Variants in AFF4 observed in about 807,000 individuals in gnomAD.
AFF4 encodes the protein ALF transcription elongation factor 4.
AFF4 carries 13 observed loss-of-function variants against 124.8 expected under a neutral mutation model. That is an observed-to-expected ratio of 0.10 (90% CI 0.07 to 0.17). The LOEUF (loss-of-function observed/expected upper bound fraction) is 0.17. Among genes scored for constraint, AFF4 ranks in the 10% least tolerant of loss-of-function variants. The probability of loss-of-function intolerance (pLI) is 1.00; values close to 1 mark genes in which losing one functional copy is unlikely to be tolerated. For missense variants in AFF4, 1,092 were observed against 1,403.8 expected (o/e 0.78, Z 3.55); for synonymous variants, 477 against 496.1 (o/e 0.96, Z 0.51).
chr5:132,907,690 A>G (rs905478261), intron 5 of AFF4, among the ~76,000 whole-genome samples: 1 of 152,158 alleles, frequency 6.6e-6, no homozygotes, highest in Non-Finnish European at 1.5e-5. Flanking sequence ...ACTGCCATTC[A>G]GATTGAAATT....
At chr5:132,881,765 C>A (rs1474592083) in intron 20 of AFF4, among the ~76,000 whole-genome samples, 6 of 152,054 alleles carry the variant, frequency 3.9e-5, no homozygotes, top group East Asian at 3.9e-4. Context: ...CGGTTCACTG[C>A]AACCCTGGTC....
chr5:132,924,779 C>A (rs1761130349), intron 5 of AFF4, among the ~76,000 whole-genome samples: 1 of 151,990 alleles, frequency 6.6e-6, no homozygotes, highest in Non-Finnish European at 1.5e-5. Context: ...CGCTTGAACC[C>A]AGGAGGCGGA....
At position 132,896,304 on chromosome 5, in the gene AFF4, AC is replaced by A. The variant is rs769692469; in HGVS notation, c.2307+18del. The A allele has an allele frequency of 1.2e-5, 18 of 1,555,954 alleles. No homozygotes were observed. The highest frequency in any genetic ancestry group is 1.5e-5 in the Non-Finnish European group (17 of 1,160,026). ...AGATTCTGATGTTTCAAAACAAACA[AC>A]AAAAACCCTTCACAAACCTTATGCT... is the stretch of plus-strand genomic sequence containing the variant. On this transcript the variant is annotated intron_variant, in intron 11 of 20. Transcript: ENST00000265343.
At position 132,880,078 on chromosome 5, in the gene AFF4, TCTAA is replaced by T. The variant is rs1348452155; in HGVS notation, c.*977_*980del. 12 of 396,556 alleles carry T rather than the reference TCTAA, an allele frequency of 3.0e-5. No homozygotes were observed. Among genetic ancestry groups the T allele is most frequent in the East Asian group, 7.1e-5 (2 of 28,020 alleles). 24.6% of individuals were successfully genotyped at this position (396,556 alleles called of 1,614,324 possible). On this transcript the variant is annotated 3_prime_UTR_variant, in exon 21 of 21. Coordinates refer to ENST00000265343, the MANE Select transcript of AFF4 (RefSeq NM_014423.4). ...GAGGGGGAAAAATCTGAAAAATAAC[TCTAA>T]CTATCAAAGATAATCAATTAAAGAC...
At chr5:132,958,079 T>C (rs1246829264) in intron 1 of AFF4, among the ~76,000 whole-genome samples, 2 of 152,156 alleles carry the variant, frequency 1.3e-5, no homozygotes, top group Non-Finnish European at 2.9e-5. Flanking sequence ...AAGGAATGCG[T>C]GTTACTTTTT....
chr5:132,885,111 A>G lies in AFF4; in HGVS notation c.3108T>C (p.Tyr1036=), dbSNP rs753670115. The part of the protein sequence containing the change: ...KTLTEHLKNS[Y]NNSQAPSPGL... ...CAGGCGATGGTGCTTGAGAATTATT[A>G]TAAGAATTCTGTGGAAAAAGTAAAA... The change falls in exon 19 of 21, where the codon TAT becomes TAC. Residue 1036 remains tyrosine, a synonymous_variant. Coordinates refer to ENST00000265343, the MANE Select transcript of AFF4 (RefSeq NM_014423.4). The G allele has an allele frequency of 6.3e-6, 10 of 1,595,026 alleles. No homozygotes were observed. Among genetic ancestry groups the G allele is most frequent in the East Asian group, 2.2e-5 (1 of 44,706 alleles).
At chr5:132,955,744 C>T (rs1761939172) in intron 1 of AFF4, among the ~76,000 whole-genome samples, 1 of 139,582 alleles carries the variant, frequency 7.2e-6, no homozygotes, top group Non-Finnish European at 1.5e-5. Context: ...TGCCACTGCA[C>T]TCCAGCCTGG....
chr5:132,920,916 A>G (rs999710527), intron 5 of AFF4, among the ~76,000 whole-genome samples: 1 of 152,088 alleles, frequency 6.6e-6, no homozygotes, highest in Non-Finnish European at 1.5e-5. Context: ...TCATAAGGTC[A>G]GGAGATCGAG....
At position 132,896,382 on chromosome 5, in the gene AFF4, T is replaced by C. The variant is rs1760396734; in HGVS notation, c.2248A>G (p.Arg750Gly). The change falls in exon 11 of 21, where the codon AGA becomes GGA. Residue 750 changes from arginine (R) to glycine (G), a missense_variant. Transcript: ENST00000265343. ...TCTGAGGCTTGTTTCTGAGCCTCTCTCGTGTGCTTTTCTGGCACATTTTTC... is the reference window on the plus strand; with the variant it reads ...TCTGAGGCTTGTTTCTGAGCCTCTCCCGTGTGCTTTTCTGGCACATTTTTC... ...EKKNVPEKHT[R>G]EAQKQASEKV... 1 of 1,613,546 alleles carries C rather than the reference T, an allele frequency of 6.2e-7. No homozygotes were observed. The highest frequency in any genetic ancestry group is 8.5e-7 in the Non-Finnish European group (1 of 1,179,898).
intron 1 of AFF4, among the ~76,000 whole-genome samples, chr5:132,950,929 A>T (rs977707967): frequency 2.6e-5 from 4 of 152,294 alleles, no homozygotes; most frequent in Middle Eastern, 3.4e-3. Flanking sequence ...CTTTAAAAAA[A>T]TTTTAACAAA....
rs1344476729 is a variant in AFF4, at chr5:132,876,563, A to C, written c.*4496T>G. 5 of 210,868 alleles carry C rather than the reference A, an allele frequency of 2.4e-5. No homozygotes were observed. Among genetic ancestry groups the C allele is most frequent in the African/African-American group, 1.1e-4 (5 of 44,046 alleles). The allele number at this position is 210,868 out of a possible 1,614,324, so 13.1% of individuals were successfully genotyped here. ...GTCAATGCTGACATTCCTGAAAGTC[A>C]ACTTCTTTACATGATGACTACTTAG... On this transcript the variant is annotated 3_prime_UTR_variant, in exon 21 of 21. Transcript: ENST00000265343.
chr5:132,924,324 C>T (rs1761120882), intron 5 of AFF4, among the ~76,000 whole-genome samples: 1 of 152,074 alleles, frequency 6.6e-6, no homozygotes, highest in African/African-American at 2.4e-5. Context: ...AAACTAAATA[C>T]TGAGCAAAAG....
At chr5:132,945,172 A>G (rs1376795601) in intron 1 of AFF4, 4 of 152,618 alleles carry the variant, frequency 2.6e-5, no homozygotes, top group Admixed American at 2.0e-4. Context: ...ATAACAGTGC[A>G]TGGTGAAATC....
At chr5:132,907,956 A>C (rs112696289) in intron 5 of AFF4, among the ~76,000 whole-genome samples, 19 of 152,334 alleles carry the variant, frequency 1.2e-4, no homozygotes, top group African/African-American at 4.1e-4. Context: ...CTTATTAAGT[A>C]GGAGAGTTAC....
intron 1 of AFF4, among the ~76,000 whole-genome samples, chr5:132,960,240 A>G (rs1561516813): frequency 1.3e-5 from 2 of 152,188 alleles, no homozygotes; most frequent in African/African-American, 2.4e-5. Context: ...GTAAAACATA[A>G]TAAGGATGCA....
rs780325609 is a variant in AFF4, at chr5:132,896,765, C to T, written c.1865G>A (p.Arg622Gln). Residue 622 changes from arginine to glutamine, a missense_variant, in exon 11 of 21, where the codon CGA becomes CAA. This residue lies in a region of AFF4 where 174 missense variants were observed against 205.9 expected (regional missense o/e 0.84). Transcript: ENST00000265343. The stretch of plus-strand genomic sequence containing the variant: ...ATATTTCTTTTTCTCTGCTGTAGGT[C>T]GAGGGGAAGACTTAGACTCCTTCTT... ...NIKKESKSSP[R>Q]PTAEKKKYKS... The T allele has an allele frequency of 1.9e-5, 30 of 1,613,954 alleles. 1 individual carries two copies. The highest frequency in any genetic ancestry group is 2.2e-5 in the East Asian group (1 of 44,902).
chr5:132,963,595 C>T lies in AFF4; in HGVS notation c.-341G>A. 1 of 397,644 alleles carries T rather than the reference C, an allele frequency of 2.5e-6. No individual in the cohort carries two copies. Among genetic ancestry groups the T allele is most frequent in the Non-Finnish European group, 4.4e-6 (1 of 225,440 alleles). 24.6% of individuals were successfully genotyped at this position (397,644 alleles called of 1,614,324 possible). ...TCCCCGCCCCGTCCGCTGGCGGCGG[C>T]GACGGCAGCTGGACTCCTGCAGCCA... On this transcript the variant is annotated 5_prime_UTR_variant, in exon 1 of 21. Transcript: ENST00000265343.
At chr5:132,899,546 T>C (rs1431135101) in intron 8 of AFF4, 41 bp downstream of exon 8, 7 of 1,506,170 alleles carry the variant, frequency 4.6e-6, no homozygotes, top group Non-Finnish European at 6.3e-6. Flanking sequence ...ACAATGAAAA[T>C]ACTATATGAG....
intron 1 of AFF4, among the ~76,000 whole-genome samples, chr5:132,955,871 T>C (rs1233617018): frequency 6.9e-6 from 1 of 145,616 alleles, no homozygotes; most frequent in East Asian, 2.0e-4. Flanking sequence ...ATATAGTATA[T>C]AATATACATC....
Sources: allele counts gnomAD v4.1 joint callset (sites outside exome capture counted in the v4.1 genomes callset), GRCh38; gene constraint gnomAD v4.1.1; regional missense constraint gnomAD v4.1.1; transcripts MANE v1.5; gene names NCBI Gene and HGNC (gene_info 2026-07-23, HGNC 2026-07-21).